MYO10: variants seen among roughly 807,000 people sequenced by gnomAD.
MYO10 encodes unconventional myosin-X.
MYO10 carries 133 observed loss-of-function variants against 257.3 expected under a neutral mutation model. That is an observed-to-expected ratio of 0.52 (90% CI 0.45 to 0.60). MYO10 has a LOEUF of 0.60. Among genes scored for constraint, MYO10 ranks in the 20% least tolerant of loss-of-function variants. MYO10 has a pLI of 0.00. For missense variants in MYO10, 2,399 were observed against 2,635.7 expected (o/e 0.91, Z 1.97); for synonymous variants, 1,104 against 1,028.6 (o/e 1.07, Z -1.40).
intron 1 of MYO10, among the ~76,000 whole-genome samples, chr5:16,910,543 AG>A (rs1159280561): frequency 2.0e-5 from 3 of 152,244 alleles, no homozygotes; most frequent in Admixed American, 6.5e-5. Context: ...CCTACACTAA[AG>A]GGGCTCTCAG....
intron 1 of MYO10, among the ~76,000 whole-genome samples, chr5:16,891,405 G>A (rs1430920062): frequency 6.6e-6 from 1 of 150,976 alleles, no homozygotes; most frequent in Non-Finnish European, 1.5e-5. Flanking sequence ...GAGGAAGGAG[G>A]GGCAGGCGGA....
intron 21 of MYO10, among the ~76,000 whole-genome samples, chr5:16,709,409 G>A (rs576908091): frequency 4.6e-4 from 70 of 152,244 alleles, no homozygotes; most frequent in African/African-American, 1.6e-3. Flanking sequence ...CAAAGGTGAC[G>A]GGATATCACT....
chr5:16,896,745 G>GGGT (rs1745230302), intron 1 of MYO10, among the ~76,000 whole-genome samples: 1 of 152,152 alleles, frequency 6.6e-6, no homozygotes, highest in Non-Finnish European at 1.5e-5. Flanking sequence ...CAGGATTCTG[G>GGGT]GGTGCAGTGG....
At chr5:16,721,635 T>G (rs1258063928) in intron 19 of MYO10, among the ~76,000 whole-genome samples, 1 of 152,122 alleles carries the variant, frequency 6.6e-6, no homozygotes, top group Non-Finnish European at 1.5e-5. Flanking sequence ...GAGGTCAGAT[T>G]GTAGGGTCTG....
At position 16,935,859 on chromosome 5, in the gene MYO10, T is replaced by A; in HGVS notation, c.-51A>T. The A allele has an allele frequency of 6.2e-7, 1 of 1,607,276 alleles. No individual in the cohort carries two copies. Among genetic ancestry groups the A allele is most frequent in the Non-Finnish European group, 8.5e-7 (1 of 1,177,408 alleles). On this transcript the variant is annotated 5_prime_UTR_variant, in exon 1 of 41. An upstream open reading frame in the 5' UTR loses its in-frame stop. Coordinates refer to ENST00000513610, the MANE Select transcript of MYO10 (RefSeq NM_012334.3). ...CGAGTGCCGCTCCGACTCGCGGAAG[T>A]CAGCGCCGCCGCGGGTCCGGGGAAA...
At chr5:16,710,808 G>T in intron 21 of MYO10, 100 bp downstream of exon 21, 1 of 977,950 alleles carries the variant, frequency 1.0e-6, no homozygotes. Flanking sequence ...CAATGTGAAA[G>T]AACAATTGTA....
chr5:16,804,609 C>T (rs33402), intron 3 of MYO10, among the ~76,000 whole-genome samples: 2 of 151,964 alleles, frequency 1.3e-5, no homozygotes, highest in African/African-American at 2.4e-5. Context: ...GCAGAGGCTC[C>T]GGCCTGTAAT....
chr5:16,666,930 G>A, intron 40 of MYO10, 137 bp from the exon 41 acceptor site: 1 of 668,658 alleles, frequency 1.5e-6, no homozygotes, highest in Non-Finnish European at 2.5e-6. Flanking sequence ...TTTGCAGGAA[G>A]CCAGAAGTTT....
chr5:16,677,824 G>A (rs890197385), intron 33 of MYO10, among the ~76,000 whole-genome samples: 1 of 150,724 alleles, frequency 6.6e-6, no homozygotes, highest in Non-Finnish European at 1.5e-5. Flanking sequence ...GCAATGGCGT[G>A]ATCTCGGCTC....
At chr5:16,811,330 A>G (rs1164320274) in intron 3 of MYO10, among the ~76,000 whole-genome samples, 4 of 152,162 alleles carry the variant, frequency 2.6e-5, no homozygotes, top group African/African-American at 9.7e-5. Context: ...ATATTACAAA[A>G]TGTCCCCACG....
chr5:16,757,974 G>C, intron 18 of MYO10, 144 bp downstream of exon 18: 1 of 675,844 alleles, frequency 1.5e-6, no homozygotes, highest in Non-Finnish European at 2.6e-6. Flanking sequence ...TATTTCTAAA[G>C]CACTATCTGG....
At chr5:16,790,790 G>T (rs1741726587) in intron 4 of MYO10, among the ~76,000 whole-genome samples, 14 of 151,928 alleles carry the variant, frequency 9.2e-5, no homozygotes, top group Admixed American at 9.2e-4. Context: ...ACCCTGTCTG[G>T]CCTATACGGT....
chr5:16,805,989 T>C (rs1290927531), intron 3 of MYO10, among the ~76,000 whole-genome samples: 7 of 152,204 alleles, frequency 4.6e-5, no homozygotes, highest in Admixed American at 4.6e-4. Context: ...GACTTCAGCA[T>C]GCATATGTAT....
At chr5:16,822,596 C>T (rs923143099) in intron 2 of MYO10, among the ~76,000 whole-genome samples, 1 of 152,100 alleles carries the variant, frequency 6.6e-6, no homozygotes, top group African/African-American at 2.4e-5. Context: ...GAAACAGAAC[C>T]AGCGCCCTGC....
intron 3 of MYO10, among the ~76,000 whole-genome samples, chr5:16,805,485 AG>A (rs1742249526): frequency 6.6e-6 from 1 of 151,554 alleles, no homozygotes; most frequent in East Asian, 1.9e-4. Flanking sequence ...AAAAAAGAAA[AG>A]AAAAAAAAGA....
chr5:16,666,051 G>A lies in MYO10; in HGVS notation c.*641C>T, dbSNP rs2126443608. The A allele has an allele frequency of 6.5e-6, 1 of 152,744 alleles. No homozygotes were observed. Among genetic ancestry groups the A allele is most frequent in the East Asian group, 1.9e-4 (1 of 5,186 alleles). 9.5% of individuals were successfully genotyped at this position (152,744 alleles called of 1,614,324 possible). ...ATCCTTTTTCCCTTTGCTTTTTAATGCTCATGAAACCATGATTAAAGTGTT... is the reference window on the plus strand; with the variant it reads ...ATCCTTTTTCCCTTTGCTTTTTAATACTCATGAAACCATGATTAAAGTGTT... On this transcript the variant is annotated 3_prime_UTR_variant, in exon 41 of 41. Coordinates refer to ENST00000513610, the MANE Select transcript of MYO10 (RefSeq NM_012334.3).
intron 9 of MYO10, among the ~76,000 whole-genome samples, chr5:16,774,426 T>C (rs1301973053): frequency 1.3e-5 from 2 of 152,188 alleles, no homozygotes; most frequent in East Asian, 3.8e-4. Flanking sequence ...TTTATTTTTT[T>C]AATTTATTTT....
chr5:16,814,355 A>G (rs1317314028), intron 3 of MYO10, among the ~76,000 whole-genome samples: 4 of 151,642 alleles, frequency 2.6e-5, no homozygotes, highest in Non-Finnish European at 5.9e-5. Context: ...TCACCATGTT[A>G]GCCAGGATGG....
intron 19 of MYO10, among the ~76,000 whole-genome samples, chr5:16,736,147 T>C (rs988066884): frequency 6.6e-6 from 1 of 152,184 alleles, no homozygotes; most frequent in Admixed American, 6.5e-5. Context: ...ACCTGCCTTC[T>C]CTATCATCTA....
Sources: allele counts gnomAD v4.1 joint callset (sites outside exome capture counted in the v4.1 genomes callset), GRCh38; gene constraint gnomAD v4.1.1; transcripts MANE v1.5; gene names NCBI Gene and HGNC (gene_info 2026-07-23, HGNC 2026-07-21).